Variants in SYN3 observed in about 807,000 individuals in gnomAD.
SYN3 encodes the protein synapsin III.
In SYN3, 35 loss-of-function variants were observed where a neutral mutation model predicts 65.8. The observed-to-expected ratio is 0.53, with a 90% CI of 0.41 to 0.70. The LOEUF (loss-of-function observed/expected upper bound fraction) is 0.70, where lower values mean the gene tolerates loss of function less well. Ranked by LOEUF, SYN3 falls within the 30% of genes least tolerant of loss-of-function variation. SYN3 has a pLI of 0.00. For missense variants in SYN3, 680 were observed against 749.0 expected, an observed-to-expected ratio of 0.91 and a Z score of 1.08; for synonymous variants, 270 against 292.9, an observed-to-expected ratio of 0.92 and a Z score of 0.80.
intron 6 of SYN3, among the ~76,000 whole-genome samples, chr22:32,686,434 T>C (rs1427886194): frequency 6.6e-6 from 1 of 151,314 alleles, no homozygotes; most frequent in African/African-American, 2.4e-5. Flanking sequence ...TAGATTGCTA[T>C]GGGGATTTAC....
Position 32,510,553 on chromosome 22 carries a change from G to C in SYN3, c.*3139C>G, listed in dbSNP as rs763697972. ...CTCATGGTTACACCCTGCCCTACAA[G>C]TTTTCTCTTACCCGTTTATTCAGGA... On this transcript the variant is annotated 3_prime_UTR_variant, in exon 14 of 14. Transcript: ENST00000358763. Among the ~76,000 whole-genome samples the C allele has an allele frequency of 5.3e-5, 8 of 152,090 alleles. No homozygotes were observed.
chr22:32,831,443 A>C (rs1601483112), intron 6 of SYN3, among the ~76,000 whole-genome samples: 2 of 152,248 alleles, frequency 1.3e-5, no homozygotes, highest in Admixed American at 1.3e-4. Context: ...CCAGATGATC[A>C]GGGCAGCGGG....
intron 7 of SYN3, among the ~76,000 whole-genome samples, chr22:32,554,370 T>G (rs2038015394): frequency 6.6e-6 from 1 of 152,180 alleles, no homozygotes; most frequent in Admixed American, 6.5e-5. Flanking sequence ...TGAAATCCCC[T>G]GGTTTATTAT....
In SYN3 at chr22:33,028,691, A is replaced by ATGGTGGTGGTGGTGGTGGTGATGG. The variant is rs1569413489; in HGVS notation, c.-162-21868_-162-21867insCCATCACCACCACCACCACCACCA. On this transcript the variant is annotated intron_variant, in intron 1 of 13. Transcript: ENST00000358763. ...GGTGGTGGTGGTGGTGGTGGTGGTGATGGTGGTGGTGGTGGTGGTGGTGGG... is the reference window on the plus strand; with the variant it reads ...GGTGGTGGTGGTGGTGGTGGTGGTGATGGTGGTGGTGGTGGTGGTGATGGTGGTGGTGGTGGTGGTGGTGGTGGG... Among the ~76,000 whole-genome samples, 61 of 43,144 alleles carry ATGGTGGTGGTGGTGGTGGTGATGG rather than the reference A, an allele frequency of 1.4e-3. No homozygotes were observed. The East Asian group carries it at 0.019, about 13-fold the overall frequency. The allele number at this position is 43,144 out of a possible 152,430, so 28.3% of individuals were successfully genotyped here.
At chr22:32,815,643 A>T (rs1569246501) in intron 6 of SYN3, among the ~76,000 whole-genome samples, 1 of 152,188 alleles carries the variant, frequency 6.6e-6, no homozygotes. Context: ...ACATGTAATA[A>T]ATTCTATTCT....
intron 7 of SYN3, among the ~76,000 whole-genome samples, chr22:32,594,017 A>G (rs191996705): frequency 1.9e-4 from 29 of 152,264 alleles, no homozygotes; most frequent in African/African-American, 6.7e-4. Context: ...GTGGATTCCA[A>G]TAAGGACAGA....
intron 6 of SYN3, among the ~76,000 whole-genome samples, chr22:32,823,128 T>C (rs1481149258): frequency 6.6e-6 from 1 of 152,118 alleles, no homozygotes; most frequent in Admixed American, 6.5e-5. Context: ...AGAACAATGG[T>C]GGGAAAGCAA....
intron 6 of SYN3, among the ~76,000 whole-genome samples, chr22:32,848,126 C>T (rs935114057): frequency 6.6e-6 from 1 of 152,216 alleles, no homozygotes. Flanking sequence ...CTTTTTCACA[C>T]AACGTAGAAA....
chr22:32,965,435 A>C (rs1445509609), intron 3 of SYN3, among the ~76,000 whole-genome samples: 4 of 152,056 alleles, frequency 2.6e-5, no homozygotes, highest in African/African-American at 4.8e-5. Flanking sequence ...TCCTTGGAGC[A>C]CCTATTATGT....
At chr22:33,011,845 T>C (rs868625195) in intron 1 of SYN3, among the ~76,000 whole-genome samples, 2 of 152,206 alleles carry the variant, frequency 1.3e-5, no homozygotes, top group Non-Finnish European at 2.9e-5. Flanking sequence ...TGAAACTTAC[T>C]GGCATAAAGT....
At chr22:32,594,898 G>T (rs1262790291) in intron 7 of SYN3, among the ~76,000 whole-genome samples, 1 of 152,196 alleles carries the variant, frequency 6.6e-6, no homozygotes, top group East Asian at 1.9e-4. Flanking sequence ...ACGTCTGGGT[G>T]GGCCTACTCA....
intron 6 of SYN3, among the ~76,000 whole-genome samples, chr22:32,631,310 A>C (rs1293534615): frequency 2.1e-4 from 1 of 4,856 alleles, no homozygotes; most frequent in Non-Finnish European, 4.4e-4. Flanking sequence ...CGAAACAAGC[A>C]AAAAAAAAAA....
chr22:32,596,730 C>T lies in SYN3; in HGVS notation c.718G>A (p.Ala240Thr). The T allele has an allele frequency of 6.2e-7, 1 of 1,613,888 alleles. No individual in the cohort carries two copies. The change falls in exon 7 of 14, where the codon GCC (alanine) becomes ACC (threonine). Residue 240 changes from alanine (A) to threonine (T), a missense_variant. Transcript: ENST00000358763. ...FFPNHKPMVT[A>T]PHFPVVVKLG... ...TTGACTACCACCGGGAAGTGTGGGG[C>T]TGTGACCTGAAAGAGACAAGAAGAA...
rs189413104 is a variant in SYN3, at chr22:32,839,081, C to T, written c.711+25834G>A. 4.6e-5 allele frequency among the ~76,000 whole-genome samples: 7 copies of T among 151,862 alleles called. No homozygotes were observed. The East Asian group carries it at 1.4e-3, about 30-fold the overall frequency. On this transcript the variant is annotated intron_variant, in intron 6 of 13. Transcript: ENST00000358763. ...GAAGCCAAAGGTGCAGGCAGATGCA[C>T]AGGGAGGAAGTGATTCTCACCTAGG...
intron 7 of SYN3, among the ~76,000 whole-genome samples, chr22:32,572,255 T>TTCCTTCCTTCCTTCCTTTCCTTCC (rs1246276846): frequency 1.1e-5 from 1 of 87,526 alleles, no homozygotes; most frequent in African/African-American, 5.1e-5. Context: ...CCTTCCTTCC[T>TTCCTTCCTTCCTTCCTTTCCTTCC]TTCCTTCCTT....
At chr22:32,991,807 C>T (rs1459744805) in intron 2 of SYN3, among the ~76,000 whole-genome samples, 3 of 152,172 alleles carry the variant, frequency 2.0e-5, no homozygotes, top group Non-Finnish European at 4.4e-5. Flanking sequence ...AAACCCAGGG[C>T]AGAAAGTCAG....
intron 6 of SYN3, among the ~76,000 whole-genome samples, chr22:32,707,310 T>A (rs2147227816): frequency 6.6e-6 from 1 of 152,264 alleles, no homozygotes; most frequent in South Asian, 2.1e-4. Flanking sequence ...AAGGGACTCA[T>A]GTTAGTGTAA....
chr22:32,774,654 G>A (rs530695028), intron 6 of SYN3, among the ~76,000 whole-genome samples: 76 of 151,894 alleles, frequency 5.0e-4, no homozygotes, highest in Non-Finnish European at 7.4e-4. Context: ...GTGCAATGGC[G>A]CACGATCTCA....
At chr22:32,610,287 C>A (rs1023592948) in intron 6 of SYN3, among the ~76,000 whole-genome samples, 2 of 151,642 alleles carry the variant, frequency 1.3e-5, no homozygotes, top group South Asian at 4.2e-4. Flanking sequence ...TCCCCCTGCC[C>A]CCCCCAAAAA....
Sources: allele counts gnomAD v4.1 joint callset (sites outside exome capture counted in the v4.1 genomes callset), GRCh38; gene constraint gnomAD v4.1.1; transcripts MANE v1.5; gene names NCBI Gene and HGNC (gene_info 2026-07-23, HGNC 2026-07-21).